Variants in MCTP1 observed in about 807,000 individuals in gnomAD.
The protein encoded by MCTP1 is multiple C2 and transmembrane domain-containing protein 1.
In MCTP1, 69 loss-of-function variants were observed where a neutral mutation model predicts 120.6. The ratio of observed to expected loss-of-function variants is 0.57; its 90% CI spans 0.47 to 0.70. The LOEUF is 0.70. MCTP1 is among the 30% of genes least tolerant of loss of function. The probability of loss-of-function intolerance (pLI) is 0.00; values close to 1 mark genes in which losing one functional copy is unlikely to be tolerated. For missense variants in MCTP1, 1,203 were observed against 1,248.8 expected (o/e 0.96, Z 0.55); for synonymous variants, 529 against 493.1 (o/e 1.07, Z -0.96).
intron 2 of MCTP1, among the ~76,000 whole-genome samples, chr5:94,963,178 C>A (rs1255952322): frequency 3.3e-5 from 5 of 152,036 alleles, no homozygotes; most frequent in Admixed American, 6.6e-5. Context: ...GGAAAACATA[C>A]AGTCAAACTA....
intron 19 of MCTP1, among the ~76,000 whole-genome samples, chr5:94,727,487 T>C (rs899687907): frequency 7.2e-5 from 11 of 152,206 alleles, no homozygotes; most frequent in African/African-American, 2.7e-4. Flanking sequence ...ATTTGTATGG[T>C]TACAATTGCC....
rs923652502 is a variant in MCTP1, at chr5:94,733,566, T to C, written c.2611-18680A>G. Among the ~76,000 whole-genome samples the C allele has an allele frequency of 3.1e-4, 47 of 152,238 alleles. 1 individual carries two copies. The highest frequency in any genetic ancestry group is 1.1e-3 in the African/African-American group (45 of 41,552). On this transcript the variant is annotated intron_variant, in intron 19 of 22. Transcript: ENST00000515393. ...TATCTTAAAGGAACATTAGTAGGAT[T>C]AAGGAAAATATCTGATTAGAAAAGA...
intron 17 of MCTP1, among the ~76,000 whole-genome samples, chr5:94,841,849 G>C (rs1364466395): frequency 6.6e-6 from 1 of 152,142 alleles, no homozygotes; most frequent in Non-Finnish European, 1.5e-5. Flanking sequence ...GAGCACAGAG[G>C]TTCCTGTATG....
chr5:94,787,612 GT>G (rs139521996), intron 18 of MCTP1, among the ~76,000 whole-genome samples: 7 of 144,102 alleles, frequency 4.9e-5, no homozygotes, highest in Non-Finnish European at 9.0e-5. Flanking sequence ...AGCACTTACT[GT>G]TTTTTTTTGT....
chr5:95,144,240 A>G (rs1760181640), intron 1 of MCTP1, among the ~76,000 whole-genome samples: 1 of 152,018 alleles, frequency 6.6e-6, no homozygotes, highest in Non-Finnish European at 1.5e-5. Flanking sequence ...TCCTTTGCCC[A>G]TTTTTTAATT....
chr5:94,961,437 C>G (rs1581590753), intron 2 of MCTP1, among the ~76,000 whole-genome samples: 2 of 152,100 alleles, frequency 1.3e-5, no homozygotes, highest in South Asian at 4.1e-4. Flanking sequence ...GAAAGAAAAT[C>G]AGAATTGTCC....
chr5:95,238,549 C>T (rs1008867936), intron 1 of MCTP1, among the ~76,000 whole-genome samples: 1 of 152,118 alleles, frequency 6.6e-6, no homozygotes, highest in Non-Finnish European at 1.5e-5. Context: ...TCAGAGTTCA[C>T]TTGCTCAGTC....
At chr5:94,915,168 A>G (rs1374449860) in intron 8 of MCTP1, among the ~76,000 whole-genome samples, 2 of 152,224 alleles carry the variant, frequency 1.3e-5, no homozygotes, top group Non-Finnish European at 2.9e-5. Context: ...ACATTACAAC[A>G]TTTGGTTCCC....
At chr5:95,052,837 A>C (rs1746363515) in intron 1 of MCTP1, among the ~76,000 whole-genome samples, 3 of 152,258 alleles carry the variant, frequency 2.0e-5, no homozygotes, top group Non-Finnish European at 4.4e-5. Context: ...GTTTTAAAAA[A>C]TAAGACTGGG....
At chr5:94,778,982 A>T (rs1406022858) in intron 19 of MCTP1, 128 bp downstream of exon 19, 9 of 755,366 alleles carry the variant, frequency 1.2e-5, no homozygotes, top group African/African-American at 3.4e-5. Context: ...CATTGTTAGG[A>T]TGATAAACAG....
chr5:94,913,568 C>G (rs1809339321), intron 8 of MCTP1, among the ~76,000 whole-genome samples: 1 of 152,134 alleles, frequency 6.6e-6, no homozygotes, highest in Non-Finnish European at 1.5e-5. Flanking sequence ...TCTAAGATGT[C>G]TTGCTTATAC....
intron 21 of MCTP1, 163 bp from the exon 22 acceptor site, chr5:94,708,772 CT>C: frequency 7.3e-6 from 4 of 546,360 alleles, no homozygotes; most frequent in South Asian, 2.3e-5. Context: ...AGCTCAACTG[CT>C]TTTTTTACTT....
intron 17 of MCTP1, among the ~76,000 whole-genome samples, chr5:94,840,859 A>T (rs1790859197): frequency 6.6e-6 from 1 of 152,244 alleles, no homozygotes. Context: ...TTGAAGCTGC[A>T]TCTGGATACT....
chr5:94,839,682 A>G lies in MCTP1; in HGVS notation c.2436+28651T>C, dbSNP rs887219477. ...ATGCACATTCTCTCTTCTATTGATG[A>G]TGAAGTATCTGGGAAGCACTGCAAA... On this transcript the variant is annotated intron_variant, in intron 17 of 22. Transcript: ENST00000515393. Among the ~76,000 whole-genome samples the G allele has an allele frequency of 2.2e-4, 34 of 152,266 alleles. 1 individual carries two copies. The highest frequency in any genetic ancestry group is 3.4e-3 in the Middle Eastern group (1 of 294).
At chr5:95,022,781 A>G (rs1027856854) in intron 1 of MCTP1, among the ~76,000 whole-genome samples, 3 of 152,190 alleles carry the variant, frequency 2.0e-5, no homozygotes, top group African/African-American at 7.2e-5. Flanking sequence ...GGCAGCCATT[A>G]CCAACTGATA....
chr5:95,073,972 C>T (rs760522435), intron 1 of MCTP1, among the ~76,000 whole-genome samples: 4 of 152,042 alleles, frequency 2.6e-5, no homozygotes, highest in Admixed American at 6.6e-5. Context: ...AAAATTTGGC[C>T]GGGCGTGGTG....
intron 19 of MCTP1, among the ~76,000 whole-genome samples, chr5:94,725,475 T>C (rs1442105625): frequency 6.6e-6 from 1 of 152,242 alleles, no homozygotes; most frequent in Non-Finnish European, 1.5e-5. Flanking sequence ...TTTGTGTGTG[T>C]TTCTTAAATC....
At chr5:94,951,389 T>C (rs971637669) in intron 3 of MCTP1, among the ~76,000 whole-genome samples, 8 of 152,208 alleles carry the variant, frequency 5.3e-5, no homozygotes, top group African/African-American at 1.9e-4. Context: ...GAAATTCATA[T>C]GTAACCCTTT....
chr5:94,983,224 AT>A lies in MCTP1; in HGVS notation c.839-29864del, dbSNP rs144361209. Among the ~76,000 whole-genome samples, 737 of 152,228 alleles carry A rather than the reference AT, an allele frequency of 4.8e-3. 8 individuals are homozygous for A. Among genetic ancestry groups the A allele is most frequent in the African/African-American group, 0.016 (675 of 41,542 alleles). On this transcript the variant is annotated intron_variant, in intron 2 of 22. Coordinates refer to ENST00000515393, the MANE Select transcript of MCTP1 (RefSeq NM_024717.7). ...AGAGCTCAGCCTAGCTGACACCTTA[AT>A]TTTGGTCTTGTAATACTTAAGCAGA...
Sources: gnomAD v4.1 joint callset for allele counts (sites outside exome capture counted in the v4.1 genomes callset) on GRCh38, gnomAD v4.1.1 for gene constraint, MANE v1.5 for transcripts, NCBI Gene and HGNC (gene_info 2026-07-23, HGNC 2026-07-21) for gene names.